The following SLC13A3 variants were observed in gnomAD, a reference collection of about 807,000 sequenced individuals.
SLC13A3 encodes solute carrier family 13 member 3.
SLC13A3 carries 40 observed loss-of-function variants against 59.0 expected under a neutral mutation model. The observed-to-expected ratio is 0.68, with a 90% CI of 0.53 to 0.88. The LOEUF is 0.88. Ranked by LOEUF, SLC13A3 falls within the 40% of genes least tolerant of loss-of-function variation. The pLI is 0.00. For synonymous variants in SLC13A3, 317 were observed against 330.3 expected (o/e 0.96, Z 0.44); for missense variants, 699 against 783.2 (o/e 0.89, Z 1.28).
Position 46,630,995 on chromosome 20 carries a change from T to C in SLC13A3, c.112-17270A>G, listed in dbSNP as rs148944745. On this transcript the variant is annotated intron_variant, in intron 1 of 12. Coordinates refer to ENST00000279027, the MANE Select transcript of SLC13A3 (RefSeq NM_022829.6). The stretch of plus-strand genomic sequence containing the variant: ...ACATACAGTAGCTCAATACATATGA[T>C]ATATTGTTATGTTGTATTAAATAAC... 2.9e-3 allele frequency among the ~76,000 whole-genome samples: 439 copies of C among 152,362 alleles called. 2 individuals are homozygous for C. Among genetic ancestry groups the C allele is most frequent in the African/African-American group, 0.01 (417 of 41,594 alleles).
At chr20:46,624,689 A>C (rs2062650891) in intron 1 of SLC13A3, among the ~76,000 whole-genome samples, 1 of 152,240 alleles carries the variant, frequency 6.6e-6, no homozygotes, top group African/African-American at 2.4e-5. Flanking sequence ...CTCCTTGTTC[A>C]TCTGAAATTC....
intron 10 of SLC13A3, 136 bp downstream of exon 10, chr20:46,575,437 C>A: frequency 2.0e-6 from 1 of 504,876 alleles, no homozygotes; most frequent in Non-Finnish European, 3.5e-6. Flanking sequence ...CTCAGTTTGG[C>A]AAGTGAGGAA....
In SLC13A3 at chr20:46,597,620, A is replaced by G. The variant is rs140744292; in HGVS notation, c.609-1278T>C. ...CCCAGCTAATTTTTGTATTTTTAGT[A>G]GAGACAGGGTTTCACCATGTTGGCC... On this transcript the variant is annotated intron_variant, in intron 4 of 12. Coordinates refer to ENST00000279027, the MANE Select transcript of SLC13A3 (RefSeq NM_022829.6). Among the ~76,000 whole-genome samples, 182 of 152,250 alleles carry G rather than the reference A, an allele frequency of 1.2e-3. 3 individuals are homozygous for G. In the East Asian group the frequency reaches 0.027, roughly 23 times the overall value.
rs552219702 is a variant in SLC13A3 at position 46,624,176 on chromosome 20, A to T, written c.112-10451T>A. Among the ~76,000 whole-genome samples, 32 of 152,028 alleles carry T rather than the reference A, an allele frequency of 2.1e-4. No individual in the cohort carries two copies. The East Asian group carries it at 6.0e-3, about 28-fold the overall frequency. On this transcript the variant is annotated intron_variant, in intron 1 of 12. Coordinates refer to ENST00000279027, the MANE Select transcript of SLC13A3 (RefSeq NM_022829.6). Reference sequence around the variant, plus strand: ...CCTTGCCAATTCCTCATTCACAGGAACCCCATCCTTCTAGTTCTGGCTCCT... The same window carrying T: ...CCTTGCCAATTCCTCATTCACAGGATCCCCATCCTTCTAGTTCTGGCTCCT...
chr20:46,623,488 C>G (rs2062636896), intron 1 of SLC13A3, among the ~76,000 whole-genome samples: 2 of 152,136 alleles, frequency 1.3e-5, no homozygotes, highest in South Asian at 4.1e-4. Context: ...ATCTCAGCCT[C>G]CCAAGTAGCT....
chr20:46,658,697 C>T (rs1479226753), intron 1 of SLC13A3, among the ~76,000 whole-genome samples: 4 of 152,104 alleles, frequency 2.6e-5, no homozygotes, highest in South Asian at 2.1e-4. Flanking sequence ...GTATATTTAG[C>T]GATAAAAAAT....
At chr20:46,654,745 G>T (rs999980980), upstream of SLC13A3, among the ~76,000 whole-genome samples, 3 of 152,094 alleles carry the variant, frequency 2.0e-5, no homozygotes, top group Non-Finnish European at 2.9e-5. Context: ...TGGCCAGGCT[G>T]GTCTCAAACT....
At chr20:46,666,746 C>G (rs975445328) in intron 1 of SLC13A3, among the ~76,000 whole-genome samples, 1 of 152,158 alleles carries the variant, frequency 6.6e-6, no homozygotes, top group Non-Finnish European at 1.5e-5. Flanking sequence ...TCAAGCGACC[C>G]TCCTGCCTCG....
At chr20:46,682,817 G>GA (rs1258959874) in intron 1 of SLC13A3, among the ~76,000 whole-genome samples, 1 of 152,136 alleles carries the variant, frequency 6.6e-6, no homozygotes, top group Non-Finnish European at 1.5e-5. Flanking sequence ...TTTAGCTGGG[G>GA]ATTCACACAA....
upstream of SLC13A3, among the ~76,000 whole-genome samples, chr20:46,654,743 C>CT (rs1409797369): frequency 2.0e-5 from 3 of 152,138 alleles, no homozygotes; most frequent in Non-Finnish European, 2.9e-5. Flanking sequence ...GTTGGCCAGG[C>CT]TGGTCTCAAA....
In SLC13A3 at chr20:46,589,219, A is replaced by T; in HGVS notation, c.957T>A (p.Asn319Lys). ...WRKNKSEIRT[N>K]AEDRARAVIR... The stretch of plus-strand genomic sequence containing the variant: ...TTACAGCTCGAGCCCTATCTTCTGC[A>T]TTGGTTCTTATCTCAGATTTATTCT... Residue 319 changes from asparagine to lysine, a missense_variant, in exon 7 of 13, where the codon AAT (asparagine) becomes AAA (lysine). By Grantham distance (94) the Asn-to-Lys change is moderately conservative. Coordinates refer to ENST00000279027, the MANE Select transcript of SLC13A3 (RefSeq NM_022829.6). The T allele has an allele frequency of 6.2e-7, 1 of 1,614,198 alleles. No homozygotes were observed. The highest frequency in any genetic ancestry group is 8.5e-7 in the Non-Finnish European group (1 of 1,180,036).
At chr20:46,635,540 G>A (rs539950701) in intron 1 of SLC13A3, among the ~76,000 whole-genome samples, 14 of 152,020 alleles carry the variant, frequency 9.2e-5, no homozygotes, top group Admixed American at 2.0e-4. Flanking sequence ...GACACCTTCC[G>A]GACTCTACAA....
chr20:46,618,231 G>T (rs1431881731), intron 1 of SLC13A3, among the ~76,000 whole-genome samples: 1 of 152,108 alleles, frequency 6.6e-6, no homozygotes, highest in Non-Finnish European at 1.5e-5. Context: ...CCTCTACTAG[G>T]CATTCAAGGT....
At chr20:46,655,508 A>T (rs1302248437), upstream of SLC13A3, among the ~76,000 whole-genome samples, 1 of 147,764 alleles carries the variant, frequency 6.8e-6, no homozygotes, top group Non-Finnish European at 1.5e-5. Flanking sequence ...GTATATATAT[A>T]ATATATATTT....
chr20:46,676,229 C>A (rs1187315594), intron 1 of SLC13A3, among the ~76,000 whole-genome samples: 1 of 151,704 alleles, frequency 6.6e-6, no homozygotes, highest in Non-Finnish European at 1.5e-5. Flanking sequence ...ATTGAAGTAC[C>A]ACATAAATAC....
Position 46,650,850 on chromosome 20 carries a change from A to G in SLC13A3, c.111+461T>C, listed in dbSNP as rs571517415. On this transcript the variant is annotated intron_variant, in intron 1 of 12. Transcript: ENST00000279027. ...GAGACCAAGGTGGGAGAATTGCTTG[A>G]GTCCAGGAGTTCCAGACCAGCCTGG... Among the ~76,000 whole-genome samples, 5 of 152,180 alleles carry G rather than the reference A, an allele frequency of 3.3e-5. No individual in the cohort carries two copies. In the South Asian group the frequency reaches 1.0e-3, roughly 32 times the overall value.
chr20:46,676,781 G>A (rs1036593288), intron 1 of SLC13A3, among the ~76,000 whole-genome samples: 1 of 152,026 alleles, frequency 6.6e-6, no homozygotes, highest in African/African-American at 2.4e-5. Context: ...TAGAATTCCT[G>A]GGCTGCGTGG....
At chr20:46,600,365 A>C (rs969560249) in intron 3 of SLC13A3, among the ~76,000 whole-genome samples, 1 of 146,500 alleles carries the variant, frequency 6.8e-6, no homozygotes, top group South Asian at 2.2e-4. Context: ...GAAAGGAAAG[A>C]AAAGGAAGGG....
intron 3 of SLC13A3, chr20:46,600,517 G>A: frequency 3.1e-6 from 1 of 321,018 alleles, no homozygotes. Flanking sequence ...ATGTGAAGAT[G>A]TGCCCAGGCC....
Sources: gnomAD v4.1 joint callset for allele counts (sites outside exome capture counted in the v4.1 genomes callset) on GRCh38, gnomAD v4.1.1 for gene constraint, MANE v1.5 for transcripts, NCBI Gene and HGNC (gene_info 2026-07-23, HGNC 2026-07-21) for gene names.